SDK2: variants seen among roughly 807,000 people sequenced by gnomAD.
SDK2 encodes the protein sidekick cell adhesion molecule 2.
In SDK2, 105 loss-of-function variants were observed where a neutral mutation model predicts 253.9. The observed-to-expected ratio is 0.41, with a 90% confidence interval of 0.35 to 0.49. SDK2 has a LOEUF of 0.49. SDK2 is among the 20% of genes least tolerant of loss of function. The pLI, the probability that SDK2 is intolerant of heterozygous loss-of-function variation, is 0.06. For missense variants in SDK2, 2,608 were observed against 3,003.0 expected (o/e 0.87, Z 3.07); for synonymous variants, 1,249 against 1,234.9 (o/e 1.01, Z -0.24).
At chr17:73,423,183 G>A (rs1237306453) in intron 14 of SDK2, among the ~76,000 whole-genome samples, 1 of 152,216 alleles carries the variant, frequency 6.6e-6, no homozygotes, top group East Asian at 1.9e-4. Flanking sequence ...CACCTTTTGT[G>A]CGTCATCTCT....
chr17:73,619,338 C>T (rs1444430342), intron 1 of SDK2, among the ~76,000 whole-genome samples: 1 of 152,058 alleles, frequency 6.6e-6, no homozygotes, highest in African/African-American at 2.4e-5. Context: ...GACAGCTAAC[C>T]CTCCAGCAGA....
intron 2 of SDK2, chr17:73,504,191 TGC>T (rs773212433): frequency 0.34 from 35,187 of 104,888 alleles, 5,752 homozygotes; most frequent in Non-Finnish European, 0.42. Context: ...GAGCAGTGCG[TGC>T]GTGTGTGTGT....
chr17:73,559,512 A>G (rs905964022), intron 1 of SDK2, among the ~76,000 whole-genome samples: 2 of 152,150 alleles, frequency 1.3e-5, no homozygotes, highest in Non-Finnish European at 1.5e-5. Flanking sequence ...AGATGGGAAG[A>G]ACACTGAGAT....
At position 73,403,623 on chromosome 17, in the gene SDK2, G is replaced by A. The variant is rs950807508; in HGVS notation, c.2485-1482C>T. Among the ~76,000 whole-genome samples the A allele has an allele frequency of 5.3e-5, 8 of 152,256 alleles. No individual in the cohort carries two copies. In the East Asian group the frequency reaches 1.3e-3, roughly 26 times the overall value. On this transcript the variant is annotated intron_variant, in intron 18 of 44. Transcript: ENST00000392650. ...ATTTATAGATATAAAACAATACCAC[G>A]CCAATGTCTCCCGGTTAACTCATGC...
At chr17:73,445,671 A>G (rs1391867978) in intron 5 of SDK2, among the ~76,000 whole-genome samples, 3 of 151,914 alleles carry the variant, frequency 2.0e-5, no homozygotes, top group Admixed American at 6.6e-5. Flanking sequence ...TGGTGGGCGA[A>G]GCGTCAATTG....
At chr17:73,567,392 T>C (rs1395119354) in intron 1 of SDK2, among the ~76,000 whole-genome samples, 1 of 152,246 alleles carries the variant, frequency 6.6e-6, no homozygotes, top group Non-Finnish European at 1.5e-5. Context: ...AGACAAGGCC[T>C]GCCACGGGGC....
At chr17:73,348,166 T>C (rs922640435) in intron 44 of SDK2, among the ~76,000 whole-genome samples, 1 of 152,234 alleles carries the variant, frequency 6.6e-6, no homozygotes, top group African/African-American at 2.4e-5. Context: ...CCCAGCCCTT[T>C]GTTTCTGAAG....
At chr17:73,349,366 G>A (rs980238791) in intron 43 of SDK2, among the ~76,000 whole-genome samples, 3 of 152,244 alleles carry the variant, frequency 2.0e-5, no homozygotes, top group African/African-American at 7.2e-5. Flanking sequence ...AGCTTTGTGA[G>A]CTCCTGAGAG....
At position 73,621,756 on chromosome 17, in the gene SDK2, CA is replaced by C. The variant is rs1237772730; in HGVS notation, c.64+22268del. Among the ~76,000 whole-genome samples the C allele has an allele frequency of 2.6e-5, 4 of 151,960 alleles. No homozygotes were observed. The East Asian group carries it at 7.7e-4, about 29-fold the overall frequency. On this transcript the variant is annotated intron_variant, in intron 1 of 44. Coordinates refer to ENST00000392650, the MANE Select transcript of SDK2 (RefSeq NM_001144952.2). ...TAAATATATATCCATAGAAATTACT[CA>C]ATCTGAAGAACAGAGAGTAAGAAGA... is the stretch of plus-strand genomic sequence containing the variant.
chr17:73,483,694 TATATATATA>T (rs2063751341), intron 2 of SDK2, among the ~76,000 whole-genome samples: 3 of 82,676 alleles, frequency 3.6e-5, no homozygotes, highest in East Asian at 3.6e-4. Flanking sequence ...TATATATATA[TATATATATA>T]TATATTTTTT....
chr17:73,619,360 C>CAGCAGAAATCAAAACAGT (rs2046100740), intron 1 of SDK2, among the ~76,000 whole-genome samples: 1 of 152,010 alleles, frequency 6.6e-6, no homozygotes, highest in Admixed American at 6.5e-5. Flanking sequence ...ATCAAAACAG[C>CAGCAGAAATCAAAACAGT]AGCAGAAATC....
At chr17:73,521,429 C>T (rs1303988317) in intron 1 of SDK2, 1 of 152,068 alleles carries the variant, frequency 6.6e-6, no homozygotes, top group Non-Finnish European at 1.5e-5. Context: ...GTGTGGCCTC[C>T]TACTTCCCCT....
chr17:73,341,426 C>T (rs575913172), intron 44 of SDK2, among the ~76,000 whole-genome samples: 21 of 151,886 alleles, frequency 1.4e-4, no homozygotes, highest in Non-Finnish European at 2.6e-4. Flanking sequence ...AACAGATGGG[C>T]CCCCCCTCAG....
At position 73,643,957 on chromosome 17, in the gene SDK2, TCCCGCC is replaced by T; in HGVS notation, c.64+62_64+67del. The T allele has an allele frequency of 3.2e-5, 33 of 1,019,938 alleles. No individual in the cohort carries two copies. Among genetic ancestry groups the T allele is most frequent in the Admixed American group, 4.1e-5 (2 of 48,756 alleles). The allele number at this position is 1,019,938 out of a possible 1,614,324, so 63.2% of individuals were successfully genotyped here. A position where few individuals can be genotyped will look rare whatever the true frequency, so the allele number is the denominator to read the frequency against. Reference sequence around the variant, plus strand: ...GGAGGTCACCGTGAGGCCGGCCAGCTCCCGCCGCCCCTCCCCCGCCCACTCTCCCAG... The same window carrying T: ...GGAGGTCACCGTGAGGCCGGCCAGCTGCCCCTCCCCCGCCCACTCTCCCAG... On this transcript the variant is annotated intron_variant, in intron 1 of 44. Transcript: ENST00000392650. This position sits in a 1 kb window ranked among gnomAD's most constrained non-coding sequence, Gnocchi z 6.9.
intron 1 of SDK2, among the ~76,000 whole-genome samples, chr17:73,565,782 C>T (rs993302890): frequency 6.6e-6 from 1 of 152,196 alleles, no homozygotes; most frequent in Non-Finnish European, 1.5e-5. Flanking sequence ...AGTGAGCTCT[C>T]GTTCTGTTAG....
At position 73,483,689 on chromosome 17, in the gene SDK2, A is replaced by G. The variant is rs1210581505; in HGVS notation, c.225-11471T>C. Among the ~76,000 whole-genome samples the G allele has an allele frequency of 2.0e-3, 134 of 67,694 alleles. 1 individual carries two copies. Among genetic ancestry groups the G allele is most frequent in the African/African-American group, 5.7e-3 (94 of 16,596 alleles). The allele number at this position is 67,694 out of a possible 152,430, so 44.4% of individuals were successfully genotyped here. The stretch of plus-strand genomic sequence containing the variant: ...TATATATATATATATATATTTATAT[A>G]TATATATATATATATATATTTTTTT... On this transcript the variant is annotated intron_variant, in intron 2 of 44. Coordinates refer to ENST00000392650, the MANE Select transcript of SDK2 (RefSeq NM_001144952.2).
chr17:73,348,778 C>T (rs2062508693), intron 43 of SDK2, 53 bp from the exon 44 acceptor site: 1 of 1,561,302 alleles, frequency 6.4e-7, no homozygotes, highest in Admixed American at 1.7e-5. Context: ...AGAGCGGCCT[C>T]CCCTGGCCTA....
chr17:73,601,780 T>C (rs2045844742), intron 1 of SDK2, among the ~76,000 whole-genome samples: 1 of 151,932 alleles, frequency 6.6e-6, no homozygotes, highest in African/African-American at 2.4e-5. Context: ...GTCCTGCTTT[T>C]TCGCCCAGGC....
At chr17:73,516,165 TG>T (rs1222358026) in intron 1 of SDK2, among the ~76,000 whole-genome samples, 1 of 152,182 alleles carries the variant, frequency 6.6e-6, no homozygotes, top group Non-Finnish European at 1.5e-5. Context: ...GGGTCTTGCC[TG>T]GGATGGCTCA....
Sources: allele counts gnomAD v4.1 joint callset (sites outside exome capture counted in the v4.1 genomes callset), GRCh38; gene constraint gnomAD v4.1.1; non-coding constraint Gnocchi (gnomAD v3.1); transcripts MANE v1.5; gene names NCBI Gene and HGNC (gene_info 2026-07-23, HGNC 2026-07-21).